Variants in FBN2 observed in about 807,000 individuals in gnomAD.
The protein encoded by FBN2 is fibrillin 2, also known as fibrillin-2.
A neutral mutation model predicts 355.6 loss-of-function variants in FBN2; 105 were observed. The ratio of observed to expected loss-of-function variants is 0.30; its 90% CI spans 0.25 to 0.35. The LOEUF (loss-of-function observed/expected upper bound fraction) is 0.35. FBN2 is among the 10% of genes least tolerant of loss of function. The probability of loss-of-function intolerance (pLI) is 1.00; values close to 1 mark genes in which losing one functional copy is unlikely to be tolerated. For missense variants in FBN2, 3,280 were observed against 3,758.7 expected (o/e 0.87, Z 3.33); for synonymous variants, 1,350 against 1,301.2 (o/e 1.04, Z -0.81).
At chr5:128,369,756 G>A (rs1359712934) in intron 15 of FBN2, among the ~76,000 whole-genome samples, 1 of 152,168 alleles carries the variant, frequency 6.6e-6, no homozygotes, top group Admixed American at 6.5e-5. Context: ...CTACCTTGAG[G>A]TGATACTGGC....
chr5:128,293,995 A>T (rs912076111), intron 48 of FBN2, among the ~76,000 whole-genome samples: 1 of 148,822 alleles, frequency 6.7e-6, no homozygotes, highest in Non-Finnish European at 1.5e-5. Flanking sequence ...TCCTCCCCCG[A>T]CCCCACCACA....
intron 10 of FBN2, 99 bp from the exon 11 acceptor site, chr5:128,392,254 G>T: frequency 1.0e-6 from 1 of 983,826 alleles, no homozygotes; most frequent in Non-Finnish European, 1.6e-6. Flanking sequence ...TTAATTAGAT[G>T]TATATCAGAA....
chr5:128,498,323 G>A (rs972919173), intron 5 of FBN2, among the ~76,000 whole-genome samples: 3 of 152,158 alleles, frequency 2.0e-5, no homozygotes, highest in South Asian at 2.1e-4. Context: ...CACCAGTCAC[G>A]GGATAATTAA....
intron 17 of FBN2, 42 bp from the exon 18 acceptor site, chr5:128,364,767 T>C (rs1327606062): frequency 1.3e-6 from 2 of 1,536,892 alleles, no homozygotes; most frequent in African/African-American, 1.4e-5. Context: ...AACAAACATG[T>C]TATTGTTTGT....
rs1166618186 is a variant in FBN2, at chr5:128,271,674, C to CA, written c.7960+324dup. ...AAATCTAAATATATTAAATTACAGA[C>CA]AAAAAAGTGGCTGACCTTCGCAAAC... On this transcript the variant is annotated intron_variant, in intron 62 of 64. Transcript: ENST00000262464. Among the ~76,000 whole-genome samples, 3 of 152,072 alleles carry CA rather than the reference C, an allele frequency of 2.0e-5. No homozygotes were observed. The East Asian group carries it at 5.8e-4, about 29-fold the overall frequency.
chr5:128,275,079 A>T (rs2126806374), intron 59 of FBN2, among the ~76,000 whole-genome samples: 2 of 152,310 alleles, frequency 1.3e-5, no homozygotes, highest in South Asian at 4.1e-4. Flanking sequence ...AAACTGATGA[A>T]GGTCCGAACA....
chr5:128,476,748 T>G (rs373622462), intron 5 of FBN2, among the ~76,000 whole-genome samples: 1 of 151,982 alleles, frequency 6.6e-6, no homozygotes, highest in African/African-American at 2.4e-5. Context: ...AAACAGAGAA[T>G]GTATATTCTA....
chr5:128,515,824 T>C (rs917567178), intron 5 of FBN2, among the ~76,000 whole-genome samples: 5 of 152,190 alleles, frequency 3.3e-5, no homozygotes, highest in African/African-American at 9.7e-5. Flanking sequence ...TTAAAGGAAA[T>C]GTTACTAAGC....
intron 7 of FBN2, among the ~76,000 whole-genome samples, chr5:128,434,982 C>T (rs1753737144): frequency 6.6e-6 from 1 of 152,048 alleles, no homozygotes; most frequent in South Asian, 2.1e-4. Flanking sequence ...CACTGAATTG[C>T]AAGAATCATG....
Position 128,318,873 on chromosome 5 carries a change from C to A in FBN2, c.4594+6G>T, listed in dbSNP as rs1383183792. On this transcript the variant is annotated splice_donor_region_variant and intron_variant, in intron 35 of 64. Transcript: ENST00000262464. Reference sequence around the variant, plus strand: ...AGAACACAACTTAGCTGGTAACTGACCATACCTGTACAGTTCCCTCCTGTT... The same window carrying A: ...AGAACACAACTTAGCTGGTAACTGAACATACCTGTACAGTTCCCTCCTGTT... 2 of 1,612,148 alleles carry A rather than the reference C, an allele frequency of 1.2e-6. No homozygotes were observed. The highest frequency in any genetic ancestry group is 1.3e-5 in the African/African-American group (1 of 74,856).
At position 128,418,336 on chromosome 5, in the gene FBN2, C is replaced by T. The variant is rs371740139; in HGVS notation, c.953-9537G>A. ...ATCCTTTGTATTGTTTTTTCAGTCT[C>T]TATTTTGCTTAGTTTTGCTCTGATC... On this transcript the variant is annotated intron_variant, in intron 7 of 64. Coordinates refer to ENST00000262464, the MANE Select transcript of FBN2 (RefSeq NM_001999.4). Among the ~76,000 whole-genome samples the T allele has an allele frequency of 8.5e-4, 130 of 152,148 alleles. No individual in the cohort carries two copies. The South Asian group carries it at 0.015, about 17-fold the overall frequency.
chr5:128,445,684 A>C (rs1270544773), intron 7 of FBN2, among the ~76,000 whole-genome samples: 5 of 152,178 alleles, frequency 3.3e-5, no homozygotes, highest in African/African-American at 9.7e-5. Flanking sequence ...AGATGAAATA[A>C]ATTTATTTAA....
chr5:128,485,076 T>G (rs1041636105), intron 5 of FBN2, among the ~76,000 whole-genome samples: 3 of 151,874 alleles, frequency 2.0e-5, no homozygotes, highest in Non-Finnish European at 4.4e-5. Context: ...TAGGCCTGAG[T>G]GCAATGCAAC....
intron 7 of FBN2, among the ~76,000 whole-genome samples, chr5:128,414,250 C>A (rs558518747): frequency 2.6e-5 from 4 of 152,160 alleles, no homozygotes; most frequent in East Asian, 1.9e-4. Flanking sequence ...TTCATCCCCC[C>A]CCAAGGAAAT....
intron 32 of FBN2, among the ~76,000 whole-genome samples, chr5:128,331,023 A>G (rs1005095312): frequency 1.3e-5 from 2 of 152,236 alleles, no homozygotes; most frequent in African/African-American, 4.8e-5. Flanking sequence ...AGAAGAATCA[A>G]TTCTGAAGGT....
At chr5:128,293,806 A>C (rs1053348902) in intron 48 of FBN2, among the ~76,000 whole-genome samples, 5 of 152,160 alleles carry the variant, frequency 3.3e-5, no homozygotes, top group African/African-American at 9.6e-5. Context: ...ATGGAAGAAC[A>C]ACAGGATCTT....
intron 55 of FBN2, among the ~76,000 whole-genome samples, chr5:128,283,217 T>C (rs1360553359): frequency 2.0e-5 from 3 of 152,208 alleles, no homozygotes; most frequent in African/African-American, 7.2e-5. Context: ...CTAGTAACTT[T>C]CATCTTAAAA....
rs374493286 is a variant in FBN2, at chr5:128,330,621, G to A, written c.4297C>T (p.Arg1433Cys). ...GTGAAACCTTCGGAGCAGGCACAGC[G>A]GTATGAGCCCGGGGTATTTACACAC... ...AQCVNTPGSY[R>C]CACSEGFTGD... is the part of the protein sequence containing the mutation. Residue 1433 changes from arginine (R) to cysteine (C), a missense_variant, in exon 33 of 65, where the codon CGC becomes TGC. Arg to Cys is a radical substitution (Grantham distance 180). Around this residue, in one of 6 missense-constraint regions of FBN2, gnomAD observed 2,284 missense variants for 2,749.5 expected, o/e 0.83. Coordinates refer to ENST00000262464, the MANE Select transcript of FBN2 (RefSeq NM_001999.4). 1.5e-5 allele frequency: 24 copies of A among 1,613,850 alleles called. No individual in the cohort carries two copies. In the Admixed American group the frequency reaches 2.8e-4, roughly 19 times the overall value.
chr5:128,472,864 T>C (rs1754904124), intron 5 of FBN2, among the ~76,000 whole-genome samples: 1 of 151,776 alleles, frequency 6.6e-6, no homozygotes, highest in Admixed American at 6.6e-5. Flanking sequence ...TAAAAATAAA[T>C]ATTTAAAAAG....
Sources: gnomAD v4.1 joint callset for allele counts (sites outside exome capture counted in the v4.1 genomes callset) on GRCh38, gnomAD v4.1.1 for gene constraint, gnomAD v4.1.1 regional missense constraint, MANE v1.5 for transcripts, NCBI Gene and HGNC (gene_info 2026-07-23, HGNC 2026-07-21) for gene names.